UBAC2: variants seen among roughly 807,000 people sequenced by gnomAD.
The protein encoded by UBAC2 is UBA domain containing 2.
A neutral mutation model predicts 44.0 loss-of-function variants in UBAC2; 26 were observed. The ratio of observed to expected loss-of-function variants is 0.59; its 90% CI spans 0.43 to 0.82. UBAC2 has a LOEUF of 0.82. Ranked by LOEUF, UBAC2 falls within the 40% of genes least tolerant of loss-of-function variation. UBAC2 has a pLI of 0.00. For missense variants in UBAC2, 329 were observed against 419.4 expected (o/e 0.78, Z 1.88); for synonymous variants, 155 against 154.3 (o/e 1.00, Z -0.04).
intron 8 of UBAC2, among the ~76,000 whole-genome samples, chr13:99,370,990 A>T (rs1325310910): frequency 2.6e-5 from 4 of 152,182 alleles, no homozygotes; most frequent in Non-Finnish European, 4.4e-5. Flanking sequence ...AAATTCCGTT[A>T]TGTTACTGTT....
At chr13:99,350,115 G>A (rs1163604426) in intron 7 of UBAC2, among the ~76,000 whole-genome samples, 2 of 152,120 alleles carry the variant, frequency 1.3e-5, no homozygotes, top group Non-Finnish European at 2.9e-5. Flanking sequence ...ATGCAACAAA[G>A]AGTAATATTA....
chr13:99,244,926 G>A (rs924976635), intron 4 of UBAC2, among the ~76,000 whole-genome samples: 6 of 151,720 alleles, frequency 4.0e-5, no homozygotes, highest in East Asian at 1.9e-4. Context: ...TCCGCCTCCC[G>A]GGTTCAAGCG....
chr13:99,226,636 T>C (rs189527200), intron 1 of UBAC2, among the ~76,000 whole-genome samples: 1 of 152,360 alleles, frequency 6.6e-6, no homozygotes, highest in Admixed American at 6.5e-5. Flanking sequence ...GTCCTCATAA[T>C]GGCCTGTAGG....
rs1430342804 is a variant in UBAC2 at position 99,216,835 on chromosome 13, T to C, written c.31+15896T>C. Among the ~76,000 whole-genome samples, 10 of 32,650 alleles carry C rather than the reference T, an allele frequency of 3.1e-4. No individual in the cohort carries two copies. The East Asian group carries it at 7.1e-3, about 23-fold the overall frequency. 21.4% of individuals were successfully genotyped at this position (32,650 alleles called of 152,430 possible). A position where few individuals can be genotyped will look rare whatever the true frequency, so the allele number is the denominator to read the frequency against. ...TTTTGTTGGACTCTTTTCTTTTTTC[T>C]TTTTTTTTTTTTGAGACGAAGTCTT... is the stretch of plus-strand genomic sequence containing the variant. On this transcript the variant is annotated intron_variant, in intron 1 of 8. Coordinates refer to ENST00000403766, the MANE Select transcript of UBAC2 (RefSeq NM_001144072.2).
intron 7 of UBAC2, among the ~76,000 whole-genome samples, chr13:99,358,330 C>G (rs974770108): frequency 1.3e-5 from 2 of 152,146 alleles, no homozygotes; most frequent in Non-Finnish European, 2.9e-5. Flanking sequence ...AACTGTGTAT[C>G]TATGTGGCTG....
At position 99,330,967 on chromosome 13, in the gene UBAC2, G is replaced by C. The variant is rs117110686; in HGVS notation, c.562-9353G>C. 7.1e-3 allele frequency among the ~76,000 whole-genome samples: 1,075 copies of C among 152,280 alleles called. 15 individuals carry two copies. The highest frequency in any genetic ancestry group is 8.4e-3 in the Non-Finnish European group (572 of 68,030). ...CGCTTGTTAAAATGGATATTAGAAG[G>C]TGTTTGTTTACATATAAGAACCTGA... On this transcript the variant is annotated intron_variant, in intron 6 of 8. Coordinates refer to ENST00000403766, the MANE Select transcript of UBAC2 (RefSeq NM_001144072.2).
At chr13:99,266,631 T>C (rs1307604488) in intron 4 of UBAC2, among the ~76,000 whole-genome samples, 1 of 152,216 alleles carries the variant, frequency 6.6e-6, no homozygotes, top group Admixed American at 6.5e-5. Flanking sequence ...GTATCTGATA[T>C]TATACTAAGA....
chr13:99,340,683 T>C, intron 7 of UBAC2, 118 bp downstream of exon 7: 1 of 1,175,752 alleles, frequency 8.5e-7, no homozygotes, highest in Non-Finnish European at 1.2e-6. Flanking sequence ...TGCAAGTGGA[T>C]TTTGACATTT....
chr13:99,326,130 C>G (rs1371318229), intron 6 of UBAC2, among the ~76,000 whole-genome samples: 1 of 152,202 alleles, frequency 6.6e-6, no homozygotes, highest in Non-Finnish European at 1.5e-5. Context: ...TCCATAGTTG[C>G]ATCATTTGCA....
intron 1 of UBAC2, among the ~76,000 whole-genome samples, chr13:99,228,743 C>T (rs2043140342): frequency 6.6e-6 from 1 of 152,176 alleles, no homozygotes; most frequent in Non-Finnish European, 1.5e-5. Context: ...CTCTCCTCTA[C>T]TTTTGAATTA....
chr13:99,319,717 T>C (rs1162010353), intron 6 of UBAC2, among the ~76,000 whole-genome samples: 2 of 152,206 alleles, frequency 1.3e-5, no homozygotes, highest in African/African-American at 2.4e-5. Flanking sequence ...GCTATCCGTC[T>C]GGTATTCTTG....
At chr13:99,318,414 G>A (rs564370027) in intron 6 of UBAC2, among the ~76,000 whole-genome samples, 5 of 151,468 alleles carry the variant, frequency 3.3e-5, no homozygotes, top group African/African-American at 4.8e-5. Flanking sequence ...TGTTCTGCCC[G>A]CCTCAGCCTC....
At chr13:99,348,293 C>T (rs1199485083) in intron 7 of UBAC2, among the ~76,000 whole-genome samples, 1 of 152,194 alleles carries the variant, frequency 6.6e-6, no homozygotes, top group Non-Finnish European at 1.5e-5. Flanking sequence ...AGACATGAGG[C>T]TGTACTAGGC....
chr13:99,370,497 C>T (rs1176992040), intron 8 of UBAC2, among the ~76,000 whole-genome samples: 1 of 152,224 alleles, frequency 6.6e-6, no homozygotes, highest in Admixed American at 6.5e-5. Context: ...TTGTTTTTCC[C>T]TTTCAGCAAA....
chr13:99,290,966 C>T (rs1018887094), intron 4 of UBAC2, among the ~76,000 whole-genome samples: 1 of 152,032 alleles, frequency 6.6e-6, no homozygotes, highest in Non-Finnish European at 1.5e-5. Flanking sequence ...CCCTGGAGGA[C>T]ATAGGACAGG....
At chr13:99,348,524 T>C (rs1344549971) in intron 7 of UBAC2, among the ~76,000 whole-genome samples, 1 of 152,162 alleles carries the variant, frequency 6.6e-6, no homozygotes, top group Non-Finnish European at 1.5e-5. Flanking sequence ...TTGAGGTTCC[T>C]ATAAGAAAGA....
In UBAC2 at chr13:99,215,594, G is replaced by A; in HGVS notation, c.31+14655G>A. ...CGGTGAGGTACTCCAGGATGGCTGC[G>A]CTGTACACAGCGGCAGTTGCACCCA... On this transcript the variant is annotated intron_variant, in intron 1 of 8. Transcript: ENST00000403766. 11 of 1,332,728 alleles carry A rather than the reference G, an allele frequency of 8.3e-6. No homozygotes were observed. In the South Asian group the frequency reaches 8.3e-5, roughly 10 times the overall value. 82.6% of individuals were successfully genotyped at this position (1,332,728 alleles called of 1,614,324 possible).
chr13:99,303,939 C>T (rs1227975325), intron 4 of UBAC2, among the ~76,000 whole-genome samples: 1 of 152,196 alleles, frequency 6.6e-6, no homozygotes, highest in African/African-American at 2.4e-5. Flanking sequence ...CGAGCAGTCC[C>T]TGTGCCTCAG....
intron 5 of UBAC2, among the ~76,000 whole-genome samples, chr13:99,317,584 T>C (rs1284736626): frequency 1.3e-5 from 2 of 152,176 alleles, no homozygotes; most frequent in African/African-American, 4.8e-5. Context: ...AAATTTAGGG[T>C]GACAATGTTA....
Sources: gnomAD v4.1 joint callset for allele counts (sites outside exome capture counted in the v4.1 genomes callset) on GRCh38, gnomAD v4.1.1 for gene constraint, MANE v1.5 for transcripts, NCBI Gene and HGNC (gene_info 2026-07-23, HGNC 2026-07-21) for gene names.